ZNF609: variants seen among roughly 807,000 people sequenced by gnomAD.
ZNF609 encodes zinc finger protein 609.
ZNF609 carries 11 observed loss-of-function variants against 109.5 expected under a neutral mutation model. That is an observed-to-expected ratio of 0.10 (90% CI 0.06 to 0.17). ZNF609 has a LOEUF of 0.17. ZNF609 is among the 10% of genes least tolerant of loss of function. ZNF609 has a pLI of 1.00. For missense variants in ZNF609, 1,559 were observed against 1,772.4 expected, an observed-to-expected ratio of 0.88 and a Z score of 2.16; for synonymous variants, 646 against 662.0, an observed-to-expected ratio of 0.98 and a Z score of 0.37.
At chr15:64,586,255 G>A (rs1895194087) in intron 2 of ZNF609, among the ~76,000 whole-genome samples, 1 of 151,930 alleles carries the variant, frequency 6.6e-6, no homozygotes, top group South Asian at 2.1e-4. Flanking sequence ...GAACCCGGGA[G>A]GCAGAGGTTG....
Position 64,588,442 on chromosome 15 carries a change from A to AAAAAAAAAAAAGAAGAAG in ZNF609, c.748-34383_748-34382insAAAAAAAAAGAAGAAGAA, listed in dbSNP as rs71133451. ...CACTCTGTCTAAAAAAAAAAAAAAA[A>AAAAAAAAAAAAGAAGAAG]AAGAAGAGGAAGACTGTACAGACTA... is the stretch of plus-strand genomic sequence containing the variant. On this transcript the variant is annotated intron_variant, in intron 2 of 9. Coordinates refer to ENST00000326648, the MANE Select transcript of ZNF609 (RefSeq NM_015042.2). Among the ~76,000 whole-genome samples the AAAAAAAAAAAAGAAGAAG allele has an allele frequency of 2.7e-5, 2 of 75,272 alleles. 1 individual carries two copies. The highest frequency in any genetic ancestry group is 1.0e-4 in the African/African-American group (2 of 19,500). 49.4% of individuals were successfully genotyped at this position (75,272 alleles called of 152,430 possible).
In ZNF609 at chr15:64,674,858, C is replaced by G; in HGVS notation, c.2004C>G (p.Ile668Met). The G allele has an allele frequency of 1.2e-6, 2 of 1,614,212 alleles. No individual in the cohort carries two copies. Among genetic ancestry groups the G allele is most frequent in the Non-Finnish European group, 1.7e-6 (2 of 1,180,044 alleles). ...PIAPAIPPQQ[I>M]YTFQTATFTA... is the part of the protein sequence containing the mutation. ...CCCCTGCCATCCCCCCACAGCAAAT[C>G]TACACCTTCCAGACAGCCACCTTCA... is the stretch of plus-strand genomic sequence containing the variant. Residue 668 changes from isoleucine (I) to methionine (M), a missense_variant, in exon 5 of 10, where the codon ATC becomes ATG. Around this residue, in one of 4 missense-constraint regions of ZNF609, gnomAD observed 1,204 missense variants for 1,314.1 expected, o/e 0.92. Transcript: ENST00000326648.
At chr15:64,534,255 C>T (rs569864) in intron 2 of ZNF609, among the ~76,000 whole-genome samples, 8 of 152,008 alleles carry the variant, frequency 5.3e-5, no homozygotes, top group African/African-American at 1.9e-4. Context: ...AGGTGATCCA[C>T]CCACCTCGGC....
At chr15:64,560,603 A>G (rs1322071751) in intron 2 of ZNF609, among the ~76,000 whole-genome samples, 3 of 152,204 alleles carry the variant, frequency 2.0e-5, no homozygotes, top group Admixed American at 2.0e-4. Context: ...ATTCACGCAC[A>G]TGAGCATGTG....
chr15:64,598,469 G>A (rs59006412), intron 2 of ZNF609, among the ~76,000 whole-genome samples: 7,510 of 151,992 alleles, frequency 0.049, 616 homozygotes, highest in African/African-American at 0.17. Context: ...GTATAGATCA[G>A]TTTATTTTTA....
chr15:64,529,328 C>A, intron 2 of ZNF609: 1 of 724,662 alleles, frequency 1.4e-6, no homozygotes, highest in Non-Finnish European at 2.5e-6. Flanking sequence ...TTTTGGCTCC[C>A]CCCTGCAAGT....
At chr15:64,480,249 G>A (rs559928938) in intron 1 of ZNF609, among the ~76,000 whole-genome samples, 2 of 147,476 alleles carry the variant, frequency 1.4e-5, no homozygotes, top group East Asian at 2.1e-4. Flanking sequence ...CAAAAAAAAG[G>A]TGTGCTGGGC....
chr15:64,565,661 CT>C (rs1322005244), intron 2 of ZNF609, among the ~76,000 whole-genome samples: 1 of 152,210 alleles, frequency 6.6e-6, no homozygotes, highest in African/African-American at 2.4e-5. Context: ...CTGATCATCT[CT>C]TTAAGATAAG....
intron 2 of ZNF609, among the ~76,000 whole-genome samples, chr15:64,565,642 A>G (rs1651205188): frequency 6.6e-6 from 1 of 152,308 alleles, no homozygotes; most frequent in South Asian, 2.1e-4. Context: ...AGTGATTGTT[A>G]TGGTGATTCT....
intron 2 of ZNF609, among the ~76,000 whole-genome samples, chr15:64,613,549 A>G (rs574125291): frequency 6.6e-6 from 1 of 152,092 alleles, no homozygotes; most frequent in South Asian, 2.1e-4. Flanking sequence ...TCCTTGTTTA[A>G]ACTTATTTAT....
chr15:64,498,251 C>T (rs1452894048), intron 1 of ZNF609, among the ~76,000 whole-genome samples: 2 of 152,052 alleles, frequency 1.3e-5, no homozygotes, highest in African/African-American at 2.4e-5. Flanking sequence ...GGTTTCACCA[C>T]ATTGGCCAGG....
chr15:64,640,493 G>T (rs1342523983), intron 3 of ZNF609, among the ~76,000 whole-genome samples: 3 of 152,202 alleles, frequency 2.0e-5, no homozygotes, highest in Non-Finnish European at 1.5e-5. Context: ...AGAAAAATAG[G>T]TTTCAGCAGT....
chr15:64,623,653 T>C (rs900133222), intron 3 of ZNF609, among the ~76,000 whole-genome samples: 3 of 152,194 alleles, frequency 2.0e-5, no homozygotes, highest in Non-Finnish European at 2.9e-5. Flanking sequence ...TCACTGTAGG[T>C]TGCTGTTGCC....
intron 6 of ZNF609, 74 bp from the exon 7 acceptor site, chr15:64,680,111 C>G: frequency 1.3e-6 from 2 of 1,514,452 alleles, no homozygotes; most frequent in Non-Finnish European, 1.8e-6. Context: ...TGATGCCCAC[C>G]CAATCAAGCT....
chr15:64,495,161 A>T (rs951423096), intron 1 of ZNF609, among the ~76,000 whole-genome samples: 6 of 152,224 alleles, frequency 3.9e-5, no homozygotes, highest in African/African-American at 1.4e-4. Flanking sequence ...GAACAAGAGG[A>T]ATTTGAAAAA....
intron 1 of ZNF609, among the ~76,000 whole-genome samples, chr15:64,478,014 A>T (rs746988017): frequency 1.3e-5 from 2 of 152,152 alleles, no homozygotes; most frequent in Non-Finnish European, 2.9e-5. Flanking sequence ...ATGCCATTTG[A>T]TGTAGCTGAG....
Position 64,684,924 on chromosome 15 carries a change from C to G in ZNF609, c.*3238C>G, listed in dbSNP as rs1218501153. On this transcript the variant is annotated 3_prime_UTR_variant, in exon 10 of 10. Transcript: ENST00000326648. The stretch of plus-strand genomic sequence containing the variant: ...CCAGTGATCTCCTACCATGGGCCCC[C>G]CTCCTGGGATCAAGCCCCTCCCAGG... 6.5e-6 allele frequency: 1 copy of G among 152,676 alleles called. No individual in the cohort carries two copies. The highest frequency in any genetic ancestry group is 1.5e-5 in the Non-Finnish European group (1 of 68,044). 9.5% of individuals were successfully genotyped at this position (152,676 alleles called of 1,614,324 possible). A position where few individuals can be genotyped will look rare whatever the true frequency, so the allele number is the denominator to read the frequency against.
rs576245353 is a variant in ZNF609 at position 64,684,582 on chromosome 15, C to T, written c.*2896C>T. The T allele has an allele frequency of 6.6e-6, 1 of 152,570 alleles. No homozygotes were observed. The highest frequency in any genetic ancestry group is 2.1e-4 in the South Asian group (1 of 4,828). 9.5% of individuals were successfully genotyped at this position (152,570 alleles called of 1,614,324 possible). On this transcript the variant is annotated 3_prime_UTR_variant, in exon 10 of 10. Coordinates refer to ENST00000326648, the MANE Select transcript of ZNF609 (RefSeq NM_015042.2). Reference sequence around the variant, plus strand: ...TCCTTCTCTTACCGAACTCTCTCCACACATCACAAGGTCAAAGAACCACAC... The same window carrying T: ...TCCTTCTCTTACCGAACTCTCTCCATACATCACAAGGTCAAAGAACCACAC...
intron 3 of ZNF609, 131 bp downstream of exon 3, chr15:64,623,183 C>A: frequency 1.1e-6 from 1 of 910,166 alleles, no homozygotes; most frequent in Non-Finnish European, 1.7e-6. Flanking sequence ...CGGGAGATAC[C>A]CACACAGAGG....
Sources: gnomAD v4.1 joint callset for allele counts (sites outside exome capture counted in the v4.1 genomes callset) on GRCh38, gnomAD v4.1.1 for gene constraint, gnomAD v4.1.1 regional missense constraint, MANE v1.5 for transcripts, NCBI Gene and HGNC (gene_info 2026-07-23, HGNC 2026-07-21) for gene names.